TFEC: variants seen among roughly 807,000 people sequenced by gnomAD.
TFEC encodes class E basic helix-loop-helix protein 34.
Under a neutral mutation model 41.6 loss-of-function variants are expected in TFEC, and 31 were observed. The ratio of observed to expected loss-of-function variants is 0.74; its 90% CI spans 0.56 to 1.01. The LOEUF (loss-of-function observed/expected upper bound fraction) is 1.01. Ranked by LOEUF, TFEC falls within the 50% of genes least tolerant of loss-of-function variation. The pLI is 0.00. For missense variants in TFEC, 402 were observed against 404.1 expected (o/e 0.99, Z 0.04); for synonymous variants, 143 against 140.6 (o/e 1.02, Z -0.12).
intron 3 of TFEC, among the ~76,000 whole-genome samples, chr7:116,079,055 A>G (rs1217129859): frequency 6.6e-6 from 1 of 152,136 alleles, no homozygotes; most frequent in Non-Finnish European, 1.5e-5. Context: ...GATAGATGAC[A>G]TAAGAGGAAT....
intron 3 of TFEC, among the ~76,000 whole-genome samples, chr7:116,082,052 G>A (rs954496090): frequency 5.3e-5 from 8 of 151,900 alleles, no homozygotes; most frequent in East Asian, 1.9e-4. Context: ...ATTGCTATTC[G>A]TTTATACATC....
Position 115,940,569 on chromosome 7 carries a change from A to C in TFEC, c.1026T>G (p.Asp342Glu), listed in dbSNP as rs755882367. ...ESSRRSSFSS[D>E]DGDEL ...TTATTTCTTATAATTCATCACCATC[A>C]TCTGAGCTAAAGCTACTTCTCCTAC... The change falls in exon 8 of 8, where the codon GAT (aspartate) becomes GAG (glutamate). Residue 342 changes from aspartate to glutamate, a missense_variant. By Grantham distance (45) the Asp-to-Glu change is conservative. Transcript: ENST00000265440. 6.2e-7 allele frequency: 1 copy of C among 1,611,866 alleles called. No homozygotes were observed. The highest frequency in any genetic ancestry group is 1.7e-5 in the Admixed American group (1 of 59,772).
At chr7:116,110,794 T>A in exon 3 of TFEC, 1 of 1,548,330 alleles carries the variant, frequency 6.5e-7, no homozygotes, top group Non-Finnish European at 8.7e-7. Context: ...GAAAACTGCA[T>A]GTGGAACTCT....
chr7:115,989,359 T>A (rs1423063946), intron 1 of TFEC, among the ~76,000 whole-genome samples: 1 of 152,192 alleles, frequency 6.6e-6, no homozygotes, highest in Non-Finnish European at 1.5e-5. Flanking sequence ...GATTTCTGCA[T>A]TTCCAACTGA....
intron 3 of TFEC, among the ~76,000 whole-genome samples, chr7:116,076,307 G>A (rs1378401479): frequency 1.3e-5 from 2 of 152,078 alleles, no homozygotes; most frequent in African/African-American, 4.8e-5. Flanking sequence ...CTCTGACATA[G>A]TCTACCCAAA....
At chr7:116,001,759 A>T (rs1794605514) in intron 1 of TFEC, among the ~76,000 whole-genome samples, 1 of 152,188 alleles carries the variant, frequency 6.6e-6, no homozygotes, top group South Asian at 2.1e-4. Flanking sequence ...CTGACATGGG[A>T]TTAATAAACA....
intron 1 of TFEC, among the ~76,000 whole-genome samples, chr7:116,015,091 T>C (rs1795139627): frequency 1.3e-5 from 2 of 149,754 alleles, no homozygotes; most frequent in Non-Finnish European, 1.5e-5. Flanking sequence ...TATATCATTA[T>C]CAATATTATA....
chr7:116,061,900 ATATT>A (rs1796566152), intron 3 of TFEC, among the ~76,000 whole-genome samples: 1 of 152,136 alleles, frequency 6.6e-6, no homozygotes. Context: ...ACACACCTAG[ATATT>A]TATTAGGATG....
intron 1 of TFEC, among the ~76,000 whole-genome samples, chr7:116,004,871 C>A (rs1006634044): frequency 6.6e-6 from 1 of 151,850 alleles, no homozygotes; most frequent in African/African-American, 2.4e-5. Context: ...ATCTTGAATT[C>A]CCACACTTCG....
chr7:115,982,991 T>A (rs1265929911), intron 2 of TFEC, among the ~76,000 whole-genome samples: 1 of 152,134 alleles, frequency 6.6e-6, no homozygotes, highest in Non-Finnish European at 1.5e-5. Flanking sequence ...CCTTCAAGAT[T>A]TGTTTTTCTC....
At chr7:116,074,193 T>C (rs1796899456) in intron 3 of TFEC, among the ~76,000 whole-genome samples, 1 of 150,894 alleles carries the variant, frequency 6.6e-6, no homozygotes, top group Non-Finnish European at 1.5e-5. Flanking sequence ...CATTATATAT[T>C]TTTTGTGTAT....
At chr7:115,972,110 C>A (rs1339230712) in intron 3 of TFEC, among the ~76,000 whole-genome samples, 2 of 152,000 alleles carry the variant, frequency 1.3e-5, no homozygotes, top group African/African-American at 4.8e-5. Flanking sequence ...TTTCTCACTT[C>A]TTGCCTTATG....
intron 3 of TFEC, among the ~76,000 whole-genome samples, chr7:116,063,919 T>C (rs1481256085): frequency 6.6e-6 from 1 of 152,206 alleles, no homozygotes. Context: ...GTGCAGATAT[T>C]TCTTCGACTT....
rs1433646961 is a variant in TFEC, at chr7:115,968,405, A to C, written c.267+5765T>G. On this transcript the variant is annotated intron_variant, in intron 3 of 7. Transcript: ENST00000265440. The stretch of plus-strand genomic sequence containing the variant: ...TCACTGATGTTATGCAGTCCTTTCA[A>C]GTTCCAACCAAGCACAGGGGGTTGT... 4 of 1,022,698 alleles carry C rather than the reference A, an allele frequency of 3.9e-6. No individual in the cohort carries two copies. In the African/African-American group the frequency reaches 4.9e-5, roughly 13 times the overall value. The allele number at this position is 1,022,698 out of a possible 1,614,324, so 63.4% of individuals were successfully genotyped here.
chr7:115,990,585 T>C (rs2130714217), intron 1 of TFEC, among the ~76,000 whole-genome samples: 1 of 152,212 alleles, frequency 6.6e-6, no homozygotes, highest in South Asian at 2.1e-4. Context: ...ACGTGATGAA[T>C]GCACAAGCTT....
intron 3 of TFEC, among the ~76,000 whole-genome samples, chr7:116,072,250 GT>G (rs1375515611): frequency 6.6e-6 from 1 of 151,416 alleles, no homozygotes; most frequent in African/African-American, 2.4e-5. Flanking sequence ...AATAGAGATA[GT>G]TTTATTGCTT....
intron 1 of TFEC, chr7:116,112,092 T>G (rs78668715): frequency 1.1e-6 from 1 of 872,182 alleles, no homozygotes; most frequent in East Asian, 1.2e-4. Context: ...AATAATACTG[T>G]TCTTATTTGA....
rs140643324 is a variant in TFEC at position 116,015,068 on chromosome 7, T to G, written c.-73+15565A>C. ...TTTTGTTACAGCAGCAATAGAAAAC[T>G]AATATATACTTATATATCATTATCA... is the stretch of plus-strand genomic sequence containing the variant. On this transcript the variant is annotated intron_variant, in intron 1 of 7. Transcript: ENST00000265440. Among the ~76,000 whole-genome samples the G allele has an allele frequency of 3.6e-4, 54 of 150,874 alleles. 1 individual carries two copies. The East Asian group carries it at 0.01, about 28-fold the overall frequency.
At chr7:116,128,980 T>C (rs188058854) in intron 1 of TFEC, among the ~76,000 whole-genome samples, 1 of 151,986 alleles carries the variant, frequency 6.6e-6, no homozygotes, top group Non-Finnish European at 1.5e-5. Flanking sequence ...AAACAAATTA[T>C]TATCATCAAC....
Sources: gnomAD v4.1 joint callset for allele counts (sites outside exome capture counted in the v4.1 genomes callset) on GRCh38, gnomAD v4.1.1 for gene constraint, MANE v1.5 for transcripts, NCBI Gene and HGNC (gene_info 2026-07-23, HGNC 2026-07-21) for gene names.